The following UXS1 variants were observed in gnomAD, a reference collection of about 807,000 sequenced individuals.
UXS1 encodes UDP-glucuronate decarboxylase 1, also known as UDP-glucuronic acid decarboxylase 1.
UXS1 carries 33 observed loss-of-function variants against 62.6 expected under a neutral mutation model. That is an observed-to-expected ratio of 0.53 (90% CI 0.40 to 0.70). The LOEUF (loss-of-function observed/expected upper bound fraction) is 0.70. Ranked by LOEUF, UXS1 falls within the 30% of genes least tolerant of loss-of-function variation. UXS1 has a pLI of 0.00. For synonymous variants in UXS1, 213 were observed against 206.8 expected, an observed-to-expected ratio of 1.03 and a Z score of -0.26; for missense variants, 434 against 556.3, an observed-to-expected ratio of 0.78 and a Z score of 2.21.
rs137887562 is a variant in UXS1, at chr2:106,191,902, C to T, written c.94+2246G>A. ...TCACACCAGTTTGTAATTTAACCTT[C>T]ATTTCCAATTCATGCCCACCTCACC... On this transcript the variant is annotated intron_variant, in intron 1 of 14. Coordinates refer to ENST00000283148, the MANE Select transcript of UXS1 (RefSeq NM_001253875.2). 2.0e-5 allele frequency among the ~76,000 whole-genome samples: 3 copies of T among 152,358 alleles called. No individual in the cohort carries two copies. The East Asian group carries it at 5.8e-4, about 29-fold the overall frequency.
At chr2:106,159,287 G>A (rs1682710050) in intron 4 of UXS1, 1 of 152,244 alleles carries the variant, frequency 6.6e-6, no homozygotes, top group Non-Finnish European at 1.5e-5. Flanking sequence ...AACGCATGAG[G>A]ACCGCTCCAC....
At chr2:106,160,133 CTT>C (rs1050888452) in intron 4 of UXS1, 2 of 152,238 alleles carry the variant, frequency 1.3e-5, no homozygotes, top group East Asian at 1.9e-4. Flanking sequence ...GCACAGATGT[CTT>C]GTTTGCCAAG....
At chr2:106,152,516 AGGGAAAAGAAAAG>A (rs1682107743) in intron 5 of UXS1, among the ~76,000 whole-genome samples, 1 of 128,246 alleles carries the variant, frequency 7.8e-6, no homozygotes. Flanking sequence ...GGAGGGAGGG[AGGGAAAAGAAAAG>A]AAAGAAAAGA....
At chr2:106,148,172 G>A (rs145564508) in intron 5 of UXS1, among the ~76,000 whole-genome samples, 5 of 152,160 alleles carry the variant, frequency 3.3e-5, no homozygotes, top group Non-Finnish European at 7.4e-5. Flanking sequence ...TGTCTGGTTC[G>A]TGTTTCATCT....
intron 9 of UXS1, among the ~76,000 whole-genome samples, chr2:106,120,291 C>T (rs1387636399): frequency 2.6e-5 from 4 of 152,216 alleles, no homozygotes; most frequent in Non-Finnish European, 5.9e-5. Context: ...CTCTTAGTCA[C>T]GTCATTCCTT....
At chr2:106,165,450 G>C (rs1683155544) in intron 2 of UXS1, among the ~76,000 whole-genome samples, 1 of 152,126 alleles carries the variant, frequency 6.6e-6, no homozygotes, top group South Asian at 2.1e-4. Context: ...TCCTTTACAT[G>C]GAAAACTATT....
chr2:106,103,065 A>G (rs966646488), intron 11 of UXS1: 1 of 152,374 alleles, frequency 6.6e-6, no homozygotes, highest in African/African-American at 2.4e-5. Flanking sequence ...ATGTGATGGC[A>G]GCTAGGAGCA....
chr2:106,178,633 AGT>A (rs975197274), intron 1 of UXS1, among the ~76,000 whole-genome samples: 1 of 151,670 alleles, frequency 6.6e-6, no homozygotes, highest in Non-Finnish European at 1.5e-5. Flanking sequence ...TATATGTTAG[AGT>A]GTGTGTGTGT....
intron 12 of UXS1, 194 bp downstream of exon 12, chr2:106,100,864 C>T: frequency 1.5e-6 from 1 of 671,986 alleles, no homozygotes; most frequent in Non-Finnish European, 2.5e-6. Flanking sequence ...TCACCCGTGC[C>T]TTGCAGATGT....
intron 10 of UXS1, among the ~76,000 whole-genome samples, chr2:106,105,621 C>T (rs1189608673): frequency 6.6e-6 from 1 of 152,198 alleles, no homozygotes; most frequent in East Asian, 1.9e-4. Flanking sequence ...ACTGTGAACT[C>T]CCCAGAAGGA....
rs763703762 is a variant in UXS1, at chr2:106,145,185, C to T, written c.472+5G>A. 1 of 1,611,728 alleles carries T rather than the reference C, an allele frequency of 6.2e-7. No homozygotes were observed. Among genetic ancestry groups the T allele is most frequent in the South Asian group, 1.1e-5 (1 of 90,686 alleles). ...GAATAATAACAATGTGCAGTTTTCA[C>T]TCACCCTCGATGTAGAGGGGCTCCA... On this transcript the variant is annotated splice_donor_5th_base_variant and intron_variant, in intron 6 of 14. Transcript: ENST00000283148.
chr2:106,169,150 AC>A (rs922931837), intron 1 of UXS1, among the ~76,000 whole-genome samples: 32 of 152,248 alleles, frequency 2.1e-4, no homozygotes, highest in Non-Finnish European at 2.6e-4. Context: ...CACAAAGATC[AC>A]CTGTGAGCCA....
chr2:106,103,941 C>T (rs2104849967), intron 11 of UXS1, among the ~76,000 whole-genome samples: 1 of 152,264 alleles, frequency 6.6e-6, no homozygotes, highest in South Asian at 2.1e-4. Flanking sequence ...GTTGCTTTGG[C>T]TGAGGTGGGA....
chr2:106,161,893 C>A (rs1443607927), intron 4 of UXS1, among the ~76,000 whole-genome samples: 2 of 152,100 alleles, frequency 1.3e-5, no homozygotes, highest in Non-Finnish European at 2.9e-5. Flanking sequence ...CTGTAACTTC[C>A]AAAAATATCT....
intron 4 of UXS1, among the ~76,000 whole-genome samples, chr2:106,162,409 T>C (rs1040536386): frequency 3.3e-5 from 5 of 152,224 alleles, no homozygotes; most frequent in African/African-American, 1.2e-4. Context: ...AGGGAAGTTA[T>C]CGAATTGAGA....
intron 4 of UXS1, among the ~76,000 whole-genome samples, chr2:106,162,737 A>G (rs2105055426): frequency 6.6e-6 from 1 of 152,356 alleles, no homozygotes; most frequent in Admixed American, 6.5e-5. Context: ...TTGTTCTGAT[A>G]AGTGCTGAAA....
At chr2:106,137,734 G>A (rs961401458) in intron 6 of UXS1, among the ~76,000 whole-genome samples, 3 of 152,118 alleles carry the variant, frequency 2.0e-5, no homozygotes, top group African/African-American at 7.2e-5. Context: ...GGCAGAGGTT[G>A]CAGTGAACCA....
intron 10 of UXS1, among the ~76,000 whole-genome samples, chr2:106,108,882 T>C (rs1320402320): frequency 6.6e-6 from 1 of 152,144 alleles, no homozygotes; most frequent in Non-Finnish European, 1.5e-5. Context: ...ATTTGTGCAC[T>C]TCCTTGTAAA....
intron 4 of UXS1, among the ~76,000 whole-genome samples, chr2:106,158,396 T>TA: frequency 6.6e-6 from 1 of 152,326 alleles, no homozygotes; most frequent in East Asian, 1.9e-4. Context: ...CAGCAGCTGC[T>TA]AAAGCAGGGC....
Sources: gnomAD v4.1 joint callset for allele counts (sites outside exome capture counted in the v4.1 genomes callset) on GRCh38, gnomAD v4.1.1 for gene constraint, MANE v1.5 for transcripts, NCBI Gene and HGNC (gene_info 2026-07-23, HGNC 2026-07-21) for gene names.